CLSTN2: variants seen among roughly 807,000 people sequenced by gnomAD.
CLSTN2 encodes the protein calsyntenin-2.
A neutral mutation model predicts 101.2 loss-of-function variants in CLSTN2; 48 were observed. The observed-to-expected ratio is 0.47, with a 90% confidence interval of 0.38 to 0.60. The LOEUF (loss-of-function observed/expected upper bound fraction) is 0.60. Among genes scored for constraint, CLSTN2 ranks in the 20% least tolerant of loss-of-function variants. The probability of loss-of-function intolerance (pLI) is 0.00; values close to 1 mark genes in which losing one functional copy is unlikely to be tolerated. For synonymous variants in CLSTN2, 481 were observed against 463.6 expected (o/e 1.04, Z -0.48); for missense variants, 1,160 against 1,238.2 (o/e 0.94, Z 0.95).
At chr3:139,965,014 G>T (rs181151492) in intron 1 of CLSTN2, among the ~76,000 whole-genome samples, 10 of 151,992 alleles carry the variant, frequency 6.6e-5, no homozygotes, top group African/African-American at 2.4e-4. Flanking sequence ...ATGCCACTAC[G>T]GTTGATATTT....
intron 2 of CLSTN2, among the ~76,000 whole-genome samples, chr3:140,213,174 C>T (rs1390647198): frequency 6.6e-6 from 1 of 152,202 alleles, no homozygotes; most frequent in Non-Finnish European, 1.5e-5. Context: ...AAACTCCTCT[C>T]TGACTACCAC....
At chr3:140,058,143 A>T (rs1489702522) in intron 1 of CLSTN2, among the ~76,000 whole-genome samples, 1 of 152,208 alleles carries the variant, frequency 6.6e-6, no homozygotes, top group East Asian at 1.9e-4. Context: ...ACAGAGTTCT[A>T]TGCTAGGTGA....
At chr3:140,192,876 G>C (rs2010589767) in intron 2 of CLSTN2, among the ~76,000 whole-genome samples, 4 of 151,702 alleles carry the variant, frequency 2.6e-5, no homozygotes, top group Non-Finnish European at 5.9e-5. Flanking sequence ...CTGTTTTCCT[G>C]CTTTCTTGTC....
rs1374349241 is a variant in CLSTN2 at position 140,264,412 on chromosome 3, AT to A, written c.232+88340del. 7.6e-5 allele frequency among the ~76,000 whole-genome samples: 5 copies of A among 65,582 alleles called. No homozygotes were observed. In the South Asian group the frequency reaches 2.6e-3, roughly 34 times the overall value. 43.0% of individuals were successfully genotyped at this position (65,582 alleles called of 152,430 possible). A position where few individuals can be genotyped will look rare whatever the true frequency, so the allele number is the denominator to read the frequency against. ...TATATATATATATATATATATATAT[AT>A]ATATATATATATATAAAATTAGGCA... is the stretch of plus-strand genomic sequence containing the variant. On this transcript the variant is annotated intron_variant, in intron 2 of 16. Coordinates refer to ENST00000458420, the MANE Select transcript of CLSTN2 (RefSeq NM_022131.3).
intron 2 of CLSTN2, among the ~76,000 whole-genome samples, chr3:140,205,590 G>A (rs1201615074): frequency 6.9e-6 from 1 of 145,010 alleles, no homozygotes; most frequent in Non-Finnish European, 1.5e-5. Context: ...ATTGAGGATT[G>A]GGTACAGTTG....
At chr3:140,345,936 T>C (rs948998203) in intron 2 of CLSTN2, among the ~76,000 whole-genome samples, 1 of 152,206 alleles carries the variant, frequency 6.6e-6, no homozygotes, top group African/African-American at 2.4e-5. Flanking sequence ...TATTTGCTGG[T>C]TCAATATGGT....
intron 2 of CLSTN2, among the ~76,000 whole-genome samples, chr3:140,219,702 AG>A (rs1172590039): frequency 6.6e-6 from 1 of 152,194 alleles, no homozygotes; most frequent in Non-Finnish European, 1.5e-5. Flanking sequence ...TGGAGACAGC[AG>A]GGCCTCCTGC....
chr3:140,239,097 G>A (rs2086438868), intron 2 of CLSTN2, among the ~76,000 whole-genome samples: 1 of 152,136 alleles, frequency 6.6e-6, no homozygotes, highest in Non-Finnish European at 1.5e-5. Context: ...GGCCACATCT[G>A]GGTTGCAGGA....
chr3:140,343,405 A>C (rs1232121565), intron 2 of CLSTN2, among the ~76,000 whole-genome samples: 1 of 152,220 alleles, frequency 6.6e-6, no homozygotes, highest in African/African-American at 2.4e-5. Context: ...GCCAAACCAC[A>C]ACACTGGTTA....
At chr3:140,387,394 G>A (rs540453402) in intron 2 of CLSTN2, among the ~76,000 whole-genome samples, 1 of 152,332 alleles carries the variant, frequency 6.6e-6, no homozygotes, top group Admixed American at 6.5e-5. Flanking sequence ...AAAGGCTACT[G>A]GTGGCTATAA....
intron 2 of CLSTN2, among the ~76,000 whole-genome samples, chr3:140,366,498 C>G (rs2087790842): frequency 2.0e-5 from 3 of 152,248 alleles, no homozygotes; most frequent in South Asian, 2.1e-4. Flanking sequence ...AACCCCCAGG[C>G]TGATTTCAGA....
chr3:140,269,110 G>C (rs886944932), intron 2 of CLSTN2, among the ~76,000 whole-genome samples: 2 of 152,080 alleles, frequency 1.3e-5, no homozygotes, highest in Admixed American at 6.6e-5. Flanking sequence ...CAAGTCATAG[G>C]CTTACTCCTT....
At chr3:139,936,655 C>G (rs1935027290) in intron 1 of CLSTN2, among the ~76,000 whole-genome samples, 1 of 152,154 alleles carries the variant, frequency 6.6e-6, no homozygotes, top group South Asian at 2.1e-4. Flanking sequence ...GAGGAAATGC[C>G]TATCAGGCTG....
chr3:140,273,802 T>C (rs896409143), intron 2 of CLSTN2, among the ~76,000 whole-genome samples: 2 of 152,114 alleles, frequency 1.3e-5, no homozygotes, highest in African/African-American at 4.8e-5. Context: ...TCCTAATAAT[T>C]TAGTCATAGG....
chr3:140,134,928 A>G (rs903850630), intron 1 of CLSTN2, among the ~76,000 whole-genome samples: 1 of 151,916 alleles, frequency 6.6e-6, no homozygotes, highest in Non-Finnish European at 1.5e-5. Context: ...AAGGTTGGAA[A>G]GGTGACTATA....
chr3:139,967,720 T>C (rs1935625227), intron 1 of CLSTN2, among the ~76,000 whole-genome samples: 2 of 152,216 alleles, frequency 1.3e-5, no homozygotes, highest in Non-Finnish European at 2.9e-5. Context: ...AAATGAGAGC[T>C]CCCAGCTTCC....
intron 1 of CLSTN2, among the ~76,000 whole-genome samples, chr3:140,027,950 C>T (rs958437721): frequency 9.2e-5 from 14 of 152,348 alleles, no homozygotes; most frequent in Admixed American, 2.6e-4. Context: ...TACTTGCCCT[C>T]TCTGAGCAGT....
At chr3:140,562,356 T>G in intron 13 of CLSTN2, 48 bp downstream of exon 13, 7 of 1,543,668 alleles carry the variant, frequency 4.5e-6, no homozygotes, top group Non-Finnish European at 6.1e-6. Context: ...CCTCTTAGAA[T>G]GTCCTTGTCC....
At chr3:140,191,057 G>A (rs73226965) in intron 2 of CLSTN2, among the ~76,000 whole-genome samples, 39 of 152,166 alleles carry the variant, frequency 2.6e-4, no homozygotes, top group Non-Finnish European at 5.2e-4. Flanking sequence ...TAGAGGTTTT[G>A]TAAATGCCTT....
Sources: allele counts gnomAD v4.1 joint callset (sites outside exome capture counted in the v4.1 genomes callset), GRCh38; gene constraint gnomAD v4.1.1; transcripts MANE v1.5; gene names NCBI Gene and HGNC (gene_info 2026-07-23, HGNC 2026-07-21).